The following CFAP74 variants were observed in gnomAD, a reference collection of about 807,000 sequenced individuals.
The protein encoded by CFAP74 is cilia and flagella associated protein 74, also known as cilia- and flagella-associated protein 74.
In CFAP74, 124 loss-of-function variants were observed where a neutral mutation model predicts 188.9. That is an observed-to-expected ratio of 0.66 (90% CI 0.57 to 0.76). CFAP74 has a LOEUF of 0.76. Among genes scored for constraint, CFAP74 ranks in the 30% least tolerant of loss-of-function variants. The pLI is 0.00. For synonymous variants in CFAP74, 956 were observed against 916.7 expected (o/e 1.04, Z -0.77); for missense variants, 2,198 against 2,165.2 (o/e 1.02, Z -0.30).
chr1:1,925,127 A>G (rs552061937), intron 33 of CFAP74, among the ~76,000 whole-genome samples: 21 of 145,742 alleles, frequency 1.4e-4, no homozygotes, highest in African/African-American at 5.5e-4. Context: ...CGCTGGTGCG[A>G]AGGCATGAGG....
chr1:1,966,253 C>T (rs1438987201), intron 12 of CFAP74, 118 bp downstream of exon 12: 2 of 977,944 alleles, frequency 2.0e-6, no homozygotes, highest in African/African-American at 1.7e-5. Context: ...AGATGGCAGG[C>T]ACAGCCAGGA....
chr1:1,995,284 A>G (rs571225098), intron 1 of CFAP74, among the ~76,000 whole-genome samples: 1 of 152,084 alleles, frequency 6.6e-6, no homozygotes, highest in East Asian at 1.9e-4. Flanking sequence ...GGATCACTTA[A>G]GGTTTGAGAC....
chr1:1,961,929 C>T (rs969327473), intron 14 of CFAP74, among the ~76,000 whole-genome samples: 13 of 151,688 alleles, frequency 8.6e-5, no homozygotes, highest in Non-Finnish European at 1.3e-4. Context: ...AGAGCCCACG[C>T]GCCCCTGGGG....
rs547570629 is a variant in CFAP74, at chr1:2,002,298, T to C, written c.-20+1403A>G. 2.0e-5 allele frequency among the ~76,000 whole-genome samples: 3 copies of C among 151,992 alleles called. No individual in the cohort carries two copies. In the South Asian group the frequency reaches 6.2e-4, roughly 32 times the overall value. On this transcript the variant is annotated intron_variant, in intron 1 of 38. Transcript: ENST00000682832. ...TGTATGTGGTATTACATAAAGTTTA[T>C]ATATATTATTAAACTTATATAAACC...
chr1:1,934,768 C>A (rs200812430), intron 25 of CFAP74, among the ~76,000 whole-genome samples: 1 of 104,014 alleles, frequency 9.6e-6, no homozygotes, highest in Non-Finnish European at 1.9e-5. Flanking sequence ...TAGGTACACA[C>A]GTGTGTACGT....
intron 18 of CFAP74, among the ~76,000 whole-genome samples, chr1:1,948,746 G>A (rs72894722): frequency 0.025 from 3,793 of 151,852 alleles, 150 homozygotes; most frequent in African/African-American, 0.083. Context: ...ATGTCACCAC[G>A]CCTGGCTAAA....
At position 1,968,621 on chromosome 1, in the gene CFAP74, G is replaced by T; in HGVS notation, c.1245+14C>A. On this transcript the variant is annotated intron_variant, in intron 11 of 38. Coordinates refer to ENST00000682832, the MANE Select transcript of CFAP74 (RefSeq NM_001304360.2). The surrounding 1 kb of genome is among the most constrained non-coding windows in gnomAD (Gnocchi z 4.3). ...GGTGTGCGGCTTCTGTCTACAGGAA[G>T]GCGTTTTGCTCACCAGTGTGTACGT... 6.2e-7 allele frequency: 1 copy of T among 1,609,898 alleles called. No individual in the cohort carries two copies. The highest frequency in any genetic ancestry group is 8.5e-7 in the Non-Finnish European group (1 of 1,177,102).
intron 6 of CFAP74, 62 bp from the exon 7 acceptor site, chr1:1,974,260 C>T (rs1220390038): frequency 3.7e-5 from 55 of 1,490,764 alleles, no homozygotes; most frequent in African/African-American, 4.2e-5. Flanking sequence ...GTGGGGGTTT[C>T]GGCATTGAGT....
intron 1 of CFAP74, among the ~76,000 whole-genome samples, chr1:1,995,152 A>G (rs1475398807): frequency 6.6e-6 from 1 of 152,192 alleles, no homozygotes; most frequent in African/African-American, 2.4e-5. Context: ...CTGGCATCAC[A>G]CTGAAAATCA....
Position 1,970,385 on chromosome 1 carries a change from C to T in CFAP74, c.1046+274G>A, listed in dbSNP as rs373067905. Reference sequence around the variant, plus strand: ...AGTCAGGACAGGAGCCGGAGGCTCTCGACAGGGGCCGGGGTTTCAGCGTCT... The same window carrying T: ...AGTCAGGACAGGAGCCGGAGGCTCTTGACAGGGGCCGGGGTTTCAGCGTCT... On this transcript the variant is annotated intron_variant, in intron 10 of 38. Transcript: ENST00000682832. 5.3e-5 allele frequency among the ~76,000 whole-genome samples: 8 copies of T among 151,962 alleles called. No individual in the cohort carries two copies. In the East Asian group the frequency reaches 9.7e-4, roughly 18 times the overall value.
At chr1:1,939,119 G>T in intron 24 of CFAP74, 131 bp from the exon 25 acceptor site, 4 of 970,608 alleles carry the variant, frequency 4.1e-6, no homozygotes, top group Non-Finnish European at 6.1e-6. Context: ...TGAGAGTGTC[G>T]CTGTCAACGA....
At position 1,932,078 on chromosome 1, in the gene CFAP74, AACAAAAAAC is replaced by A. The variant is rs1172074550; in HGVS notation, c.3012-1751_3012-1743del. 1.5e-4 allele frequency among the ~76,000 whole-genome samples: 9 copies of A among 58,856 alleles called. 1 individual carries two copies. The highest frequency in any genetic ancestry group is 2.5e-4 in the Admixed American group (1 of 4,014). 38.6% of individuals were successfully genotyped at this position (58,856 alleles called of 152,430 possible). ...GAGACTCTCGCCTCAAAAAAAAAAA[AACAAAAAAC>A]AAAAAACAAAAAACTTAGAAAAATG... On this transcript the variant is annotated intron_variant, in intron 25 of 38. Transcript: ENST00000682832.
intron 20 of CFAP74, among the ~76,000 whole-genome samples, chr1:1,945,898 ATG>A (rs1332832940): frequency 7.0e-6 from 1 of 142,740 alleles, no homozygotes; most frequent in Admixed American, 7.0e-5. Context: ...GCGTGTGTGC[ATG>A]TGTGTGCATG....
chr1:1,943,847 G>A (rs1470790152), intron 21 of CFAP74, among the ~76,000 whole-genome samples: 1 of 152,246 alleles, frequency 6.6e-6, no homozygotes, highest in Non-Finnish European at 1.5e-5. Context: ...GCAGGGCCGT[G>A]CCCTTGTGGC....
intron 6 of CFAP74, among the ~76,000 whole-genome samples, chr1:1,983,423 C>T (rs1384816265): frequency 4.6e-5 from 7 of 152,218 alleles, no homozygotes; most frequent in African/African-American, 1.2e-4. Flanking sequence ...AGAGGACACC[C>T]GAGGGACTGG....
In CFAP74 at chr1:1,988,965, C is replaced by T. The variant is rs1570985700; in HGVS notation, c.76G>A (p.Glu26Lys). ...DALLLEDERD[E>K]LEDPEFDIKC... ...ATGTCAAACTCCGGATCCTCTAATT[C>T]ATCTCTTTCTAGAAATCAAGGCAAG... The change falls in exon 3 of 39, where the codon GAA (glutamate) becomes AAA (lysine). Residue 26 changes from glutamate (E) to lysine (K), a missense_variant. Transcript: ENST00000682832. 2.6e-6 allele frequency: 4 copies of T among 1,520,374 alleles called. No individual in the cohort carries two copies. Among genetic ancestry groups the T allele is most frequent in the South Asian group, 2.3e-5 (2 of 87,758 alleles). 94.2% of individuals were successfully genotyped at this position (1,520,374 alleles called of 1,614,324 possible).
intron 19 of CFAP74, among the ~76,000 whole-genome samples, 178 bp downstream of exon 19, chr1:1,946,812 G>C (rs552561790): frequency 6.6e-6 from 1 of 152,346 alleles, no homozygotes; most frequent in East Asian, 1.9e-4. Context: ...CATGCCAGCT[G>C]AGATTACAAG....
At chr1:1,964,101 A>G (rs28561741) in intron 13 of CFAP74, among the ~76,000 whole-genome samples, 33,237 of 152,228 alleles carry the variant, frequency 0.22, 3,841 homozygotes, top group East Asian at 0.26. Flanking sequence ...GAGGCAGGAC[A>G]GGGCCTTGCT....
intron 6 of CFAP74, among the ~76,000 whole-genome samples, chr1:1,976,252 C>T (rs976734337): frequency 2.0e-5 from 3 of 152,220 alleles, no homozygotes; most frequent in Non-Finnish European, 4.4e-5. Flanking sequence ...TGAACCGGAG[C>T]CCCCAGTGTT....
Sources: gnomAD v4.1 joint callset for allele counts (sites outside exome capture counted in the v4.1 genomes callset) on GRCh38, gnomAD v4.1.1 for gene constraint, Gnocchi (gnomAD v3.1) non-coding constraint, MANE v1.5 for transcripts, NCBI Gene and HGNC (gene_info 2026-07-23, HGNC 2026-07-21) for gene names.